BAHCC1: variants seen among roughly 807,000 people sequenced by gnomAD.
The protein encoded by BAHCC1 is BAH and coiled-coil domain-containing protein 1.
A neutral mutation model predicts 88.2 loss-of-function variants in BAHCC1; 43 were observed. The observed-to-expected ratio is 0.49, with a 90% CI of 0.38 to 0.63. The LOEUF (loss-of-function observed/expected upper bound fraction) is 0.63. BAHCC1 is among the 20% of genes least tolerant of loss of function. The pLI, the probability that BAHCC1 is intolerant of heterozygous loss-of-function variation, is 0.00. For missense variants in BAHCC1, 3,023 were observed against 1,654.8 expected, an observed-to-expected ratio of 1.83 and a Z score of -14.34; for synonymous variants, 1,510 against 745.5, an observed-to-expected ratio of 2.03 and a Z score of -16.71.
rs781949558 is a variant in BAHCC1, at chr17:81,452,148, AC to A, written c.4316+46del. ...CGGGGGGGCCTGGGAGGGTCGCAGC[AC>A]CCCCACCCCCGGGAGGCGCCCACAG... On this transcript the variant is annotated intron_variant, in intron 13 of 27. Coordinates refer to ENST00000675386, the MANE Select transcript of BAHCC1 (RefSeq NM_001377448.1). The A allele has an allele frequency of 2.6e-5, 6 of 230,236 alleles. No individual in the cohort carries two copies. The Admixed American group carries it at 5.2e-4, about 20-fold the overall frequency. The allele number at this position is 230,236 out of a possible 1,614,324, so 14.3% of individuals were successfully genotyped here.
intron 22 of BAHCC1, 60 bp from the exon 23 acceptor site, chr17:81,459,434 ACT>A (rs2058426774): frequency 3.9e-6 from 3 of 768,006 alleles, no homozygotes; most frequent in Admixed American, 3.4e-5. Flanking sequence ...CAGGGACCAG[ACT>A]CTCAGGCAGC....
Position 81,457,564 on chromosome 17 carries a change from G to A in BAHCC1, c.5013G>A (p.Lys1671=), listed in dbSNP as rs372057166. 2.2e-4 allele frequency: 166 copies of A among 742,616 alleles called. No homozygotes were observed. The African/African-American group carries it at 2.5e-3, about 11-fold the overall frequency. 46.0% of individuals were successfully genotyped at this position (742,616 alleles called of 1,614,324 possible). A position where few individuals can be genotyped will look rare whatever the true frequency, so the allele number is the denominator to read the frequency against. ...AGATGGAGGCCAACCAGAAGGCCAA[G>A]AAGAAGAAGGAGAGGCAGGGGTTGC... is the stretch of plus-strand genomic sequence containing the variant. The part of the protein sequence containing the change: ...VVKMEANQKA[K]KKKERQGLLG... Residue 1671 remains lysine (K), a synonymous_variant, in exon 17 of 28, where the codon AAG becomes AAA. Transcript: ENST00000675386.
intron 2 of BAHCC1, among the ~76,000 whole-genome samples, chr17:81,418,778 T>TAC (rs2064069261): frequency 9.2e-6 from 1 of 108,966 alleles, no homozygotes; most frequent in South Asian, 2.5e-4. Context: ...TGTGTGTACG[T>TAC]GTGTGTGTAC....
intron 2 of BAHCC1, chr17:81,410,992 A>G (rs2063942908): frequency 2.1e-6 from 1 of 483,286 alleles, no homozygotes; most frequent in African/African-American, 2.0e-5. Context: ...AGGGCTTCGG[A>G]GCCGCACCTG....
At chr17:81,432,142 C>G (rs2064267476) in intron 3 of BAHCC1, among the ~76,000 whole-genome samples, 1 of 152,188 alleles carries the variant, frequency 6.6e-6, no homozygotes, top group African/African-American at 2.4e-5. Context: ...AGAGCAACTT[C>G]CCTCCCGTGT....
In BAHCC1 at chr17:81,399,926, T is replaced by C; in HGVS notation, c.178+9T>C. 7.3e-7 allele frequency: 1 copy of C among 1,366,700 alleles called. No individual in the cohort carries two copies. Among genetic ancestry groups the C allele is most frequent in the Non-Finnish European group, 9.5e-7 (1 of 1,057,158 alleles). The allele number at this position is 1,366,700 out of a possible 1,614,324, so 84.7% of individuals were successfully genotyped here. On this transcript the variant is annotated intron_variant, in intron 2 of 27. Transcript: ENST00000675386. The surrounding 1 kb of genome is among the most constrained non-coding windows in gnomAD (Gnocchi z 4.5). ...CATGGCTTCGCACACAGGTCAGTGC[T>C]CGGCCGGGGCGGGCGCGGGACGGGA...
At chr17:81,446,669 C>G (rs1025414011) in intron 10 of BAHCC1, 18 of 399,826 alleles carry the variant, frequency 4.5e-5, no homozygotes, top group Non-Finnish European at 9.2e-5. Context: ...CCACCTCAGC[C>G]TCCTGTGTAG....
Position 81,442,405 on chromosome 17 carries a change from G to A in BAHCC1, c.1056G>A (p.Gly352=). The A allele has an allele frequency of 1.4e-6, 1 of 695,042 alleles. No homozygotes were observed. Among genetic ancestry groups the A allele is most frequent in the Admixed American group, 2.2e-5 (1 of 46,508 alleles). The allele number at this position is 695,042 out of a possible 1,614,324, so 43.1% of individuals were successfully genotyped here. The part of the protein sequence containing the change: ...QMLHHTASYA[G]PPPPLSTAAG... ...TACACCACACCGCATCCTACGCCGG[G>A]CCACCCCCGCCCCTCAGCACAGCCG... The change falls in exon 5 of 28, where the codon GGG becomes GGA. Residue 352 remains glycine, a synonymous_variant. Transcript: ENST00000675386.
rs921743857 is a variant in BAHCC1 at position 81,434,863 on chromosome 17, G to A, written c.359-3507G>A. On this transcript the variant is annotated intron_variant, in intron 3 of 27. Transcript: ENST00000675386. The surrounding 1 kb of genome is among the most constrained non-coding windows in gnomAD (Gnocchi z 4.9). ...TTGGGAAAATGTGCTGTGTCAGAAC[G>A]CAGGAGGGATGAGGGGGATGAGGTA... Among the ~76,000 whole-genome samples, 3 of 152,054 alleles carry A rather than the reference G, an allele frequency of 2.0e-5. No homozygotes were observed. Among genetic ancestry groups the A allele is most frequent in the African/African-American group, 7.2e-5 (3 of 41,410 alleles).
intron 1 of BAHCC1, among the ~76,000 whole-genome samples, chr17:81,398,623 C>A (rs1291095331): frequency 2.0e-5 from 3 of 152,258 alleles, no homozygotes; most frequent in African/African-American, 4.8e-5. Flanking sequence ...CCACACACAC[C>A]CCCAAGCCCC....
Position 81,447,164 on chromosome 17 carries a change from A to C in BAHCC1, c.3292A>C (p.Thr1098Pro). The C allele has an allele frequency of 1.3e-6, 1 of 776,854 alleles. No homozygotes were observed. The allele number at this position is 776,854 out of a possible 1,614,324, so 48.1% of individuals were successfully genotyped here. The change falls in exon 11 of 28, where the codon ACA becomes CCA. Residue 1098 changes from threonine to proline, a missense_variant. Thr to Pro is a conservative substitution (Grantham distance 38, BLOSUM62 -1). Transcript: ENST00000675386. ...CGCCCCGGGGGCCCAGCCTGAGCCC[A>C]CAAGGACATTCCTGCCTGGGGAGCC... ...TTAPGAQPEP[T>P]RTFLPGEPPP... is the part of the protein sequence containing the mutation.
At position 81,452,806 on chromosome 17, in the gene BAHCC1, C is replaced by T. The variant is rs1598501999; in HGVS notation, c.4400C>T (p.Pro1467Leu). ...AAACACTCAAGCTCGCTGCCTGCCCCACGTCCCACGGGGCCGCTCCCCAGG... is the reference window on the plus strand; with the variant it reads ...AAACACTCAAGCTCGCTGCCTGCCCTACGTCCCACGGGGCCGCTCCCCAGG... The part of the protein sequence containing the change: ...KRKHSSSLPA[P>L]RPTGPLPRSD... The change falls in exon 14 of 28, where the codon CCA (proline) becomes CTA (leucine). Residue 1467 changes from proline to leucine, a missense_variant. Physicochemically the swap from Pro to Leu is moderately conservative, Grantham distance 98. Coordinates refer to ENST00000675386, the MANE Select transcript of BAHCC1 (RefSeq NM_001377448.1). The T allele has an allele frequency of 1.3e-6, 1 of 742,116 alleles. No individual in the cohort carries two copies. The highest frequency in any genetic ancestry group is 2.0e-5 in the Admixed American group (1 of 51,070). 46.0% of individuals were successfully genotyped at this position (742,116 alleles called of 1,614,324 possible).
intron 2 of BAHCC1, among the ~76,000 whole-genome samples, chr17:81,415,244 A>G (rs1012257241): frequency 2.0e-5 from 3 of 152,150 alleles, no homozygotes; most frequent in African/African-American, 7.2e-5. Flanking sequence ...GGGTTTGCCC[A>G]TGCCTGGCTC....
chr17:81,447,335 C>A lies in BAHCC1; in HGVS notation c.3463C>A (p.Gln1155Lys). 1 of 747,238 alleles carries A rather than the reference C, an allele frequency of 1.3e-6. No individual in the cohort carries two copies. 46.3% of individuals were successfully genotyped at this position (747,238 alleles called of 1,614,324 possible). Reference protein sequence around the residue: ...AADPSPLEGLQELQCAALLEA... With the variant: ...AADPSPLEGLKELQCAALLEA... ...GGACCCCAGCCCACTAGAGGGGCTA[C>A]AAGAACTGCAATGTGCGGCCCTCCT... is the stretch of plus-strand genomic sequence containing the variant. Residue 1155 changes from glutamine to lysine, a missense_variant, in exon 11 of 28, where the codon CAA (glutamine) becomes AAA (lysine). Gln to Lys is a moderately conservative substitution (Grantham distance 53, BLOSUM62 1). Transcript: ENST00000675386.
chr17:81,415,388 A>G, intron 2 of BAHCC1: 1 of 338,478 alleles, frequency 3.0e-6, no homozygotes, highest in South Asian at 2.2e-5. Context: ...GCTGGGTGTG[A>G]ACCACGCCTT....
At position 81,460,868 on chromosome 17, in the gene BAHCC1, A is replaced by G. The variant is rs782532364; in HGVS notation, c.6205A>G (p.Lys2069Glu). Residue 2069 changes from lysine (K) to glutamate (E), a missense_variant and splice_region_variant, in exon 26 of 28, where the codon AAA becomes GAA. Coordinates refer to ENST00000675386, the MANE Select transcript of BAHCC1 (RefSeq NM_001377448.1). Reference sequence around the variant, plus strand: ...CTCTGCTGGGCTTTTGCCCTCAGGTAAAGCCGAACTCCTAACCTCAGGTGC... The same window carrying G: ...CTCTGCTGGGCTTTTGCCCTCAGGTGAAGCCGAACTCCTAACCTCAGGTGC... ...KKSISKDKAG[K>E]AELLTSGAKS... is the part of the protein sequence containing the mutation. 1 of 766,292 alleles carries G rather than the reference A, an allele frequency of 1.3e-6. No individual in the cohort carries two copies. Among genetic ancestry groups the G allele is most frequent in the African/African-American group, 1.7e-5 (1 of 59,106 alleles). The allele number at this position is 766,292 out of a possible 1,614,324, so 47.5% of individuals were successfully genotyped here.
In BAHCC1 at chr17:81,460,310, C is replaced by T. The variant is rs1555658735; in HGVS notation, c.5939C>T (p.Ser1980Leu). ...GGTGACGAAGATGAGGACCTGGACT[C>T]AGTAGTGGTGGAATTTGACGATGGG... is the stretch of plus-strand genomic sequence containing the variant. ...ASGDEDEDLD[S>L]VVVEFDDGDT... The change falls in exon 24 of 28, where the codon TCA becomes TTA. Residue 1980 changes from serine (S) to leucine (L), a missense_variant. Coordinates refer to ENST00000675386, the MANE Select transcript of BAHCC1 (RefSeq NM_001377448.1). 2.6e-6 allele frequency: 2 copies of T among 776,526 alleles called. No homozygotes were observed. Among genetic ancestry groups the T allele is most frequent in the East Asian group, 2.4e-5 (1 of 41,088 alleles). 48.1% of individuals were successfully genotyped at this position (776,526 alleles called of 1,614,324 possible).
In BAHCC1 at chr17:81,399,629, G is replaced by A. The variant is rs782816393; in HGVS notation, c.-111G>A. 65 of 712,488 alleles carry A rather than the reference G, an allele frequency of 9.1e-5. No individual in the cohort carries two copies. The highest frequency in any genetic ancestry group is 1.1e-4 in the Non-Finnish European group (56 of 528,748). The allele number at this position is 712,488 out of a possible 1,614,324, so 44.1% of individuals were successfully genotyped here. A position where few individuals can be genotyped will look rare whatever the true frequency, so the allele number is the denominator to read the frequency against. On this transcript the variant is annotated 5_prime_UTR_variant, in exon 2 of 28. Coordinates refer to ENST00000675386, the MANE Select transcript of BAHCC1 (RefSeq NM_001377448.1). The surrounding 1 kb of genome is among the most constrained non-coding windows in gnomAD (Gnocchi z 4.5). ...GCTGACCGGCCCCGCCGCCACCACC[G>A]CCTGTGACCCCGGACGCCGCCGCCT...
Position 81,399,175 on chromosome 17 carries a change from C to G in BAHCC1, c.-206-359C>G. The G allele has an allele frequency of 2.4e-6, 1 of 412,644 alleles. No homozygotes were observed. Among genetic ancestry groups the G allele is most frequent in the Non-Finnish European group, 4.9e-6 (1 of 205,338 alleles). 25.6% of individuals were successfully genotyped at this position (412,644 alleles called of 1,614,324 possible). On this transcript the variant is annotated intron_variant, in intron 1 of 27. Transcript: ENST00000675386. This position sits in a 1 kb window ranked among gnomAD's most constrained non-coding sequence, Gnocchi z 4.5. ...TGTGCGAGTGTGCGTGATGGCTTCG[C>G]AGATTTGGGTTTTTATCACCCAGCA...
Sources: gnomAD v4.1 joint callset for allele counts (sites outside exome capture counted in the v4.1 genomes callset) on GRCh38, gnomAD v4.1.1 for gene constraint, Gnocchi (gnomAD v3.1) non-coding constraint, MANE v1.5 for transcripts, NCBI Gene and HGNC (gene_info 2026-07-23, HGNC 2026-07-21) for gene names.